Variants in RBFOX1 observed in about 807,000 individuals in gnomAD.
RBFOX1 encodes the protein RNA binding protein fox-1 homolog 1.
RBFOX1 carries 8 observed loss-of-function variants against 57.7 expected under a neutral mutation model. That is an observed-to-expected ratio of 0.14 (90% CI 0.08 to 0.25). RBFOX1 has a LOEUF of 0.25. Ranked by LOEUF, RBFOX1 falls within the 10% of genes least tolerant of loss-of-function variation. The pLI, the probability that RBFOX1 is intolerant of heterozygous loss-of-function variation, is 1.00. For missense variants in RBFOX1, 611 were observed against 548.5 expected (o/e 1.11, Z -1.14); for synonymous variants, 326 against 222.4 (o/e 1.47, Z -4.15).
At chr16:6,861,636 G>A (rs1035893464) in intron 3 of RBFOX1, among the ~76,000 whole-genome samples, 1 of 151,946 alleles carries the variant, frequency 6.6e-6, no homozygotes, top group Non-Finnish European at 1.5e-5. Context: ...TCTTTATGTT[G>A]CAATATTACA....
In RBFOX1 at chr16:5,697,532, A is replaced by ATTTTTT. The variant is rs374138178; in HGVS notation, c.318+98573_318+98574insTTTTTT. On this transcript the variant is annotated intron_variant, in intron 3 of 19. Coordinates refer to the RBFOX1 transcript ENST00000641259. ...GTTGTGGGCTTTTCTTTTCTTTTCT[A>ATTTTTT]TTCTTTTTTTTTTTTTTTTGAGATA... Among the ~76,000 whole-genome samples, 4 of 133,964 alleles carry ATTTTTT rather than the reference A, an allele frequency of 3.0e-5. 2 individuals are homozygous for ATTTTTT. The highest frequency in any genetic ancestry group is 6.3e-5 in the Non-Finnish European group (4 of 63,832). 87.9% of individuals were successfully genotyped at this position (133,964 alleles called of 152,430 possible).
chr16:6,023,983 CAGTT>C lies in RBFOX1; in HGVS notation c.-127+3994_-127+3997del, dbSNP rs373731358. On this transcript the variant is annotated intron_variant, in intron 1 of 15. Coordinates refer to ENST00000550418, the MANE Select transcript of RBFOX1 (RefSeq NM_018723.4). ...TTTCAGATGATGTCAACTGTGAACACAGTTAGACTCGGTCGTAGGGCTAGGAGTT... is the reference window on the plus strand; with the variant it reads ...TTTCAGATGATGTCAACTGTGAACACAGACTCGGTCGTAGGGCTAGGAGTT... Among the ~76,000 whole-genome samples, 28 of 152,280 alleles carry C rather than the reference CAGTT, an allele frequency of 1.8e-4. No homozygotes were observed. In the East Asian group the frequency reaches 3.9e-3, roughly 21 times the overall value.
intron 4 of RBFOX1, among the ~76,000 whole-genome samples, chr16:7,167,912 G>C (rs2079896890): frequency 6.6e-6 from 1 of 152,130 alleles, no homozygotes; most frequent in South Asian, 2.1e-4. Flanking sequence ...TTTAATTTAT[G>C]TGCTTGTCTG....
intron 1 of RBFOX1, among the ~76,000 whole-genome samples, chr16:6,033,092 C>T (rs777297309): frequency 3.3e-5 from 5 of 152,074 alleles, no homozygotes; most frequent in African/African-American, 4.8e-5. Context: ...TTGCAGTTTA[C>T]GTTGTTACCG....
At chr16:5,907,792 C>A (rs191721490) in intron 4 of RBFOX1, among the ~76,000 whole-genome samples, 1 of 151,606 alleles carries the variant, frequency 6.6e-6, no homozygotes, top group East Asian at 1.9e-4. Flanking sequence ...TCTCTATTGC[C>A]CAGGCTGGAG....
At chr16:6,190,714 C>A (rs1280073937) in intron 1 of RBFOX1, among the ~76,000 whole-genome samples, 1 of 152,110 alleles carries the variant, frequency 6.6e-6, no homozygotes, top group Admixed American at 6.6e-5. Flanking sequence ...TTGGTCCCAC[C>A]CTTAAAATTA....
rs559348160 is a variant in RBFOX1 at position 7,288,819 on chromosome 16, C to T, written c.28-229328C>T. 1.1e-3 allele frequency among the ~76,000 whole-genome samples: 162 copies of T among 152,264 alleles called. 1 individual carries two copies. Among genetic ancestry groups the T allele is most frequent in the African/African-American group, 1.5e-3 (63 of 41,556 alleles). ...GGGCACCACTGCACTCCAGCCTGCG[C>T]GATAAAGCAAGGCTCCATCTCAAAA... On this transcript the variant is annotated intron_variant, in intron 4 of 15. Transcript: ENST00000550418.
At chr16:7,690,054 C>G (rs1236562014) in intron 14 of RBFOX1, among the ~76,000 whole-genome samples, 3 of 152,082 alleles carry the variant, frequency 2.0e-5, no homozygotes, top group Non-Finnish European at 4.4e-5. Context: ...TGAATCCCTT[C>G]CTTGAATCCA....
At chr16:7,402,116 T>C (rs976865823) in intron 4 of RBFOX1, among the ~76,000 whole-genome samples, 10 of 152,204 alleles carry the variant, frequency 6.6e-5, no homozygotes, top group African/African-American at 1.7e-4. Flanking sequence ...GGTTAAAATA[T>C]AGAATGGATT....
intron 1 of RBFOX1, among the ~76,000 whole-genome samples, chr16:6,132,588 G>C (rs1299480088): frequency 1.3e-5 from 2 of 152,192 alleles, no homozygotes; most frequent in African/African-American, 2.4e-5. Flanking sequence ...ACATAGTCCA[G>C]GAGTACACGT....
chr16:7,417,023 A>C (rs2098484571), intron 4 of RBFOX1, among the ~76,000 whole-genome samples: 1 of 152,042 alleles, frequency 6.6e-6, no homozygotes, highest in Admixed American at 6.6e-5. Context: ...CACTTTGCCT[A>C]AATTTTTTTT....
chr16:5,963,512 A>C (rs2059790243), intron 4 of RBFOX1, among the ~76,000 whole-genome samples: 1 of 152,244 alleles, frequency 6.6e-6, no homozygotes. Context: ...AAATTATATT[A>C]CAAAGTTATA....
intron 1 of RBFOX1, among the ~76,000 whole-genome samples, chr16:5,288,242 A>T (rs561504652): frequency 1.5e-3 from 222 of 152,332 alleles, no homozygotes; most frequent in Non-Finnish European, 2.6e-3. Context: ...TTGAATATAT[A>T]TATAGTCTTT....
At chr16:5,907,240 G>A (rs145646527) in intron 4 of RBFOX1, among the ~76,000 whole-genome samples, 49 of 152,268 alleles carry the variant, frequency 3.2e-4, no homozygotes, top group African/African-American at 9.9e-4. Context: ...TTGGAAGAGC[G>A]TGAAATTTGG....
intron 3 of RBFOX1, among the ~76,000 whole-genome samples, chr16:6,865,104 G>A (rs1330313210): frequency 7.1e-6 from 1 of 140,410 alleles, no homozygotes; most frequent in East Asian, 2.3e-4. Flanking sequence ...CTGGGTTCAA[G>A]CAATTCTCCA....
At chr16:6,421,525 G>T (rs2093770751) in intron 2 of RBFOX1, among the ~76,000 whole-genome samples, 1 of 152,186 alleles carries the variant, frequency 6.6e-6, no homozygotes, top group South Asian at 2.1e-4. Context: ...AAGATTTTCA[G>T]CAAACGTTGA....
At chr16:6,974,947 G>A (rs1388966238) in intron 3 of RBFOX1, among the ~76,000 whole-genome samples, 1 of 152,128 alleles carries the variant, frequency 6.6e-6, no homozygotes, top group Non-Finnish European at 1.5e-5. Context: ...TTTTTTAAAA[G>A]GATTGTTCTA....
chr16:6,300,246 A>G (rs2078653422), intron 1 of RBFOX1, among the ~76,000 whole-genome samples: 1 of 152,230 alleles, frequency 6.6e-6, no homozygotes, highest in African/African-American at 2.4e-5. Context: ...AGACAGAAGA[A>G]ATAAATTCAA....
At chr16:6,078,554 A>G (rs892553772) in intron 1 of RBFOX1, among the ~76,000 whole-genome samples, 5 of 152,058 alleles carry the variant, frequency 3.3e-5, no homozygotes, top group Non-Finnish European at 7.4e-5. Flanking sequence ...ACTCATTTCT[A>G]CCTAGCTGTG....
Sources: gnomAD v4.1 joint callset for allele counts (sites outside exome capture counted in the v4.1 genomes callset) on GRCh38, gnomAD v4.1.1 for gene constraint, MANE v1.5 for transcripts, NCBI Gene and HGNC (gene_info 2026-07-23, HGNC 2026-07-21) for gene names.